Variants in LRRC8D observed in about 807,000 individuals in gnomAD.
LRRC8D encodes the protein volume-regulated anion channel subunit LRRC8D.
A neutral mutation model predicts 55.8 loss-of-function variants in LRRC8D; 20 were observed. The ratio of observed to expected loss-of-function variants is 0.36; its 90% CI spans 0.25 to 0.52. The LOEUF (loss-of-function observed/expected upper bound fraction) is 0.52. LRRC8D is among the 20% of genes least tolerant of loss of function. The probability of loss-of-function intolerance (pLI) is 0.93; values close to 1 mark genes in which losing one functional copy is unlikely to be tolerated. For missense variants in LRRC8D, 651 were observed against 1,030.8 expected (o/e 0.63, Z 5.05); for synonymous variants, 352 against 377.0 (o/e 0.93, Z 0.77).
chr1:89,876,983 A>G (rs567628149), intron 2 of LRRC8D, among the ~76,000 whole-genome samples: 4 of 152,386 alleles, frequency 2.6e-5, no homozygotes, highest in South Asian at 2.1e-4. Context: ...AAAGTTTCAT[A>G]TTATTTGGTT....
chr1:89,866,366 A>T (rs934973450), intron 2 of LRRC8D, among the ~76,000 whole-genome samples: 8 of 152,254 alleles, frequency 5.3e-5, no homozygotes, highest in African/African-American at 1.4e-4. Context: ...TAAGGGGGTC[A>T]TTCGGATGGT....
At chr1:89,856,128 A>G (rs747124166) in intron 2 of LRRC8D, among the ~76,000 whole-genome samples, 1 of 152,170 alleles carries the variant, frequency 6.6e-6, no homozygotes, top group Non-Finnish European at 1.5e-5. Context: ...ATATACAGCA[A>G]TGGAAAATAG....
chr1:89,926,574 C>T (rs1209502244), intron 2 of LRRC8D, among the ~76,000 whole-genome samples: 1 of 152,240 alleles, frequency 6.6e-6, no homozygotes, highest in Non-Finnish European at 1.5e-5. Flanking sequence ...GCCAATAACA[C>T]AGGCATTGGA....
chr1:89,832,228 AAAGAG>A (rs534883320), intron 1 of LRRC8D, among the ~76,000 whole-genome samples: 146 of 152,354 alleles, frequency 9.6e-4, no homozygotes, highest in Admixed American at 1.8e-3. Flanking sequence ...ACCCTCTTTG[AAAGAG>A]AAGAGAGTAA....
chr1:89,869,701 A>G (rs189720811), intron 2 of LRRC8D, among the ~76,000 whole-genome samples: 49 of 152,330 alleles, frequency 3.2e-4, no homozygotes, highest in Admixed American at 3.2e-3. Flanking sequence ...GTTAAGGGCA[A>G]CCAGAGAGAA....
chr1:89,878,455 C>T (rs1230310664), intron 2 of LRRC8D, among the ~76,000 whole-genome samples: 2 of 152,192 alleles, frequency 1.3e-5, no homozygotes, highest in African/African-American at 4.8e-5. Context: ...TAGTCCCATT[C>T]TCTAGGCCAT....
intron 1 of LRRC8D, among the ~76,000 whole-genome samples, chr1:89,832,235 A>G (rs559729264): frequency 6.6e-6 from 1 of 152,350 alleles, no homozygotes; most frequent in East Asian, 1.9e-4. Context: ...TTGAAAGAGA[A>G]GAGAGTAATA....
In LRRC8D at chr1:89,934,225, G is replaced by T; in HGVS notation, c.1157G>T (p.Trp386Leu). The T allele has an allele frequency of 6.2e-7, 1 of 1,613,982 alleles. No homozygotes were observed. Among genetic ancestry groups the T allele is most frequent in the Non-Finnish European group, 8.5e-7 (1 of 1,179,972 alleles). The change falls in exon 3 of 3, where the codon TGG (tryptophan) becomes TTG (leucine). Residue 386 changes from tryptophan to leucine, a missense_variant. Coordinates refer to ENST00000337338, the MANE Select transcript of LRRC8D (RefSeq NM_001134479.2). The surrounding 1 kb of genome is among the most constrained non-coding windows in gnomAD (Gnocchi z 5.9). ...YGFICLYTLF[W>L]LFRIPLKEYS... ...TTTATCTGCCTCTACACTCTCTTCT[G>T]GTTATTCAGGATACCTTTGAAGGAA...
intron 1 of LRRC8D, among the ~76,000 whole-genome samples, chr1:89,842,702 A>C (rs1270057104): frequency 1.3e-5 from 2 of 152,226 alleles, no homozygotes; most frequent in Non-Finnish European, 1.5e-5. Flanking sequence ...AGCACACTCT[A>C]CATACAGCAG....
At chr1:89,910,618 A>G (rs976503466) in intron 2 of LRRC8D, among the ~76,000 whole-genome samples, 1 of 152,126 alleles carries the variant, frequency 6.6e-6, no homozygotes, top group Non-Finnish European at 1.5e-5. Flanking sequence ...GGGGGCAGGT[A>G]TGGGCTTCAT....
chr1:89,858,006 A>T (rs1311686819), intron 2 of LRRC8D, among the ~76,000 whole-genome samples: 1 of 152,296 alleles, frequency 6.6e-6, no homozygotes, highest in East Asian at 1.9e-4. Context: ...AGGTGGGTGG[A>T]TCACCTGAGG....
chr1:89,918,783 G>T (rs6703009), intron 2 of LRRC8D, among the ~76,000 whole-genome samples: 2,176 of 152,224 alleles, frequency 0.014, 50 homozygotes, highest in African/African-American at 0.049. Flanking sequence ...CTAATATGTT[G>T]CCCAGCTGGA....
chr1:89,849,760 T>C (rs1164631281), intron 2 of LRRC8D, among the ~76,000 whole-genome samples: 1 of 152,196 alleles, frequency 6.6e-6, no homozygotes, highest in Non-Finnish European at 1.5e-5. Flanking sequence ...TTGTAATGTT[T>C]CTTGTGTATT....
At chr1:89,858,570 T>C (rs1046154804) in intron 2 of LRRC8D, among the ~76,000 whole-genome samples, 12 of 152,246 alleles carry the variant, frequency 7.9e-5, no homozygotes, top group African/African-American at 2.9e-4. Context: ...TCTTTAAAAG[T>C]TGTCTTAATA....
At chr1:89,867,937 G>T (rs976569493) in intron 2 of LRRC8D, among the ~76,000 whole-genome samples, 3 of 152,192 alleles carry the variant, frequency 2.0e-5, no homozygotes, top group Admixed American at 6.5e-5. Context: ...AAGAGTAAAT[G>T]GCTGCCCTCA....
At chr1:89,929,626 C>G (rs1045341276) in intron 2 of LRRC8D, among the ~76,000 whole-genome samples, 2 of 152,182 alleles carry the variant, frequency 1.3e-5, no homozygotes, top group African/African-American at 4.8e-5. Context: ...AGTCACATGT[C>G]TCTTCATGGG....
intron 1 of LRRC8D, among the ~76,000 whole-genome samples, chr1:89,838,086 G>A (rs962911858): frequency 1.3e-5 from 2 of 152,010 alleles, no homozygotes; most frequent in East Asian, 1.9e-4. Context: ...CAGGCCAGGC[G>A]TGGTGGCTCA....
At chr1:89,893,631 T>C (rs754631485) in intron 2 of LRRC8D, among the ~76,000 whole-genome samples, 29 of 152,234 alleles carry the variant, frequency 1.9e-4, no homozygotes, top group South Asian at 8.3e-4. Context: ...CCATCTATAT[T>C]GTAATGGGAC....
At chr1:89,932,014 C>T (rs1344280271) in intron 2 of LRRC8D, among the ~76,000 whole-genome samples, 1 of 152,168 alleles carries the variant, frequency 6.6e-6, no homozygotes, top group Non-Finnish European at 1.5e-5. Context: ...AGTTCATGCA[C>T]ATAATTAGAG....
Sources: gnomAD v4.1 joint callset for allele counts (sites outside exome capture counted in the v4.1 genomes callset) on GRCh38, gnomAD v4.1.1 for gene constraint, Gnocchi (gnomAD v3.1) non-coding constraint, MANE v1.5 for transcripts, NCBI Gene and HGNC (gene_info 2026-07-23, HGNC 2026-07-21) for gene names.